The following PJA2 variants were observed in gnomAD, a reference collection of about 807,000 sequenced individuals.
PJA2 encodes E3 ubiquitin-protein ligase Praja-2.
Under a neutral mutation model 69.3 loss-of-function variants are expected in PJA2, and 25 were observed. That is an observed-to-expected ratio of 0.36 (90% CI 0.26 to 0.50). The LOEUF (loss-of-function observed/expected upper bound fraction) is 0.50. PJA2 is among the 20% of genes least tolerant of loss of function. The probability of loss-of-function intolerance (pLI) is 0.96; values close to 1 mark genes in which losing one functional copy is unlikely to be tolerated. For missense variants in PJA2, 809 were observed against 830.2 expected (o/e 0.97, Z 0.31); for synonymous variants, 308 against 277.8 (o/e 1.11, Z -1.08).
At chr5:109,365,859 T>C (rs1762578060) in intron 5 of PJA2, among the ~76,000 whole-genome samples, 1 of 152,196 alleles carries the variant, frequency 6.6e-6, no homozygotes, top group African/African-American at 2.4e-5. Context: ...TAAAGATAGC[T>C]AAAACTAACA....
intron 7 of PJA2, among the ~76,000 whole-genome samples, chr5:109,355,061 C>T (rs1762390677): frequency 6.6e-6 from 1 of 152,122 alleles, no homozygotes; most frequent in Non-Finnish European, 1.5e-5. Context: ...GAGTTCAGGG[C>T]TGTAGTAAGC....
At chr5:109,383,573 A>C (rs906249471) in intron 1 of PJA2, 53 bp from the exon 2 acceptor site, 1 of 627,530 alleles carries the variant, frequency 1.6e-6, no homozygotes, top group African/African-American at 1.8e-5. Context: ...CAAAAATAGC[A>C]AAACTGATAC....
intron 1 of PJA2, among the ~76,000 whole-genome samples, chr5:109,390,137 C>T (rs547057166): frequency 6.6e-6 from 1 of 151,996 alleles, no homozygotes; most frequent in Non-Finnish European, 1.5e-5. Context: ...TTTCTTATTC[C>T]TTTACTAAAA....
intron 7 of PJA2, among the ~76,000 whole-genome samples, chr5:109,348,912 A>T (rs933274776): frequency 6.6e-5 from 10 of 152,164 alleles, no homozygotes; most frequent in Admixed American, 2.0e-4. Context: ...TTAACAGTTT[A>T]CTTTTCCTCT....
At chr5:109,403,195 A>C (rs1747600649) in intron 1 of PJA2, among the ~76,000 whole-genome samples, 1 of 152,160 alleles carries the variant, frequency 6.6e-6, no homozygotes, top group Admixed American at 6.5e-5. Flanking sequence ...TATAGGCATT[A>C]AAATAATTAA....
At chr5:109,357,043 T>C (rs1762424565) in intron 6 of PJA2, among the ~76,000 whole-genome samples, 1 of 152,188 alleles carries the variant, frequency 6.6e-6, no homozygotes. Flanking sequence ...TTGGAAATTA[T>C]TAATATATTC....
intron 7 of PJA2, among the ~76,000 whole-genome samples, chr5:109,346,092 G>A (rs886937562): frequency 5.3e-5 from 8 of 152,176 alleles, no homozygotes; most frequent in Admixed American, 3.3e-4. Flanking sequence ...CTTCCATGAG[G>A]CCTATGTCAG....
intron 1 of PJA2, among the ~76,000 whole-genome samples, chr5:109,395,208 A>C (rs1477417576): frequency 6.6e-6 from 1 of 152,202 alleles, no homozygotes; most frequent in East Asian, 1.9e-4. Context: ...AACGTTGACA[A>C]GAATTAACAA....
chr5:109,386,285 C>G (rs777696295), intron 1 of PJA2, among the ~76,000 whole-genome samples: 1 of 152,056 alleles, frequency 6.6e-6, no homozygotes. Flanking sequence ...CAGAACTGAT[C>G]GTGCCAAAAG....
chr5:109,346,031 G>C (rs1192993961), intron 7 of PJA2, among the ~76,000 whole-genome samples: 2 of 152,162 alleles, frequency 1.3e-5, no homozygotes, highest in Non-Finnish European at 2.9e-5. Context: ...GGTGCTTTCT[G>C]TCCATCCTTT....
At chr5:109,353,474 G>GATATCTAATATATTAGATATCTATA in intron 7 of PJA2, among the ~76,000 whole-genome samples, 1 of 101,300 alleles carries the variant, frequency 9.9e-6, no homozygotes, top group East Asian at 2.2e-4. Context: ...TATATCTATA[G>GATATCTAATATATTAGATATCTATA]ATATCTAATA....
rs538892436 is a variant in PJA2 at position 109,378,687 on chromosome 5, G to C, written c.800C>G (p.Thr267Arg). 2 of 1,613,706 alleles carry C rather than the reference G, an allele frequency of 1.2e-6. No homozygotes were observed. Among genetic ancestry groups the C allele is most frequent in the South Asian group, 2.2e-5 (2 of 91,060 alleles). ...CTGGCTAGTATTATTTTGTTGTTTC[G>C]TACTAACCATTTCATCTTGAGAAGA... ...QRSSQDEMVSTKQQNNTSQER... is the reference protein window; with the variant it reads ...QRSSQDEMVSRKQQNNTSQER... The change falls in exon 4 of 10, where the codon ACG becomes AGG. Residue 267 changes from threonine (T) to arginine (R), a missense_variant. Physicochemically the swap from Thr to Arg is moderately conservative, Grantham distance 71 (BLOSUM62 -1). Coordinates refer to ENST00000361189, the MANE Select transcript of PJA2 (RefSeq NM_014819.5).
At chr5:109,382,703 C>A (rs1321913574) in intron 2 of PJA2, among the ~76,000 whole-genome samples, 1 of 152,082 alleles carries the variant, frequency 6.6e-6, no homozygotes, top group Non-Finnish European at 1.5e-5. Flanking sequence ...CAAAAATTAG[C>A]CAGACGTGGT....
At chr5:109,368,413 A>G in intron 5 of PJA2, 148 bp downstream of exon 5, 1 of 604,172 alleles carries the variant, frequency 1.7e-6, no homozygotes, top group South Asian at 2.9e-5. Context: ...TCTTTTTAAA[A>G]TACCAAAAGC....
chr5:109,366,676 ATTTGTC>A (rs144899087), intron 5 of PJA2, among the ~76,000 whole-genome samples: 65,566 of 151,572 alleles, frequency 0.43, 17,382 homozygotes, highest in Non-Finnish European at 0.59. Context: ...AAGGAATGTT[ATTTGTC>A]TTTGTTTACT....
chr5:109,342,180 C>T, intron 9 of PJA2, among the ~76,000 whole-genome samples: 1 of 103,380 alleles, frequency 9.7e-6, no homozygotes, highest in Admixed American at 9.1e-5. Context: ...GCCAGCCGCC[C>T]CGTCCGGGAG....
At chr5:109,390,937 T>A (rs966375260) in intron 1 of PJA2, among the ~76,000 whole-genome samples, 1 of 152,176 alleles carries the variant, frequency 6.6e-6, no homozygotes, top group Non-Finnish European at 1.5e-5. Flanking sequence ...CAAGTCCATT[T>A]CAGCTTGTCC....
chr5:109,346,348 A>G (rs886973036), intron 7 of PJA2, among the ~76,000 whole-genome samples: 1 of 152,208 alleles, frequency 6.6e-6, no homozygotes, highest in Non-Finnish European at 1.5e-5. Flanking sequence ...AAACAGCCCA[A>G]CAATTCCTCA....
At chr5:109,372,116 ATT>A (rs1341978896) in intron 4 of PJA2, among the ~76,000 whole-genome samples, 1 of 152,188 alleles carries the variant, frequency 6.6e-6, no homozygotes, top group Admixed American at 6.5e-5. Flanking sequence ...TGCTACCTAT[ATT>A]TTCTTAATTT....
Sources: gnomAD v4.1 joint callset for allele counts (sites outside exome capture counted in the v4.1 genomes callset) on GRCh38, gnomAD v4.1.1 for gene constraint, MANE v1.5 for transcripts, NCBI Gene and HGNC (gene_info 2026-07-23, HGNC 2026-07-21) for gene names.